The following FANCD2 variants were observed in gnomAD, a reference collection of about 807,000 sequenced individuals.
FANCD2 encodes the protein FA complementation group D2.
Under a neutral mutation model 192.3 loss-of-function variants are expected in FANCD2, and 131 were observed. That is an observed-to-expected ratio of 0.68 (90% CI 0.59 to 0.79). The LOEUF is 0.79. Ranked by LOEUF, FANCD2 falls within the 30% of genes least tolerant of loss-of-function variation. The probability of loss-of-function intolerance (pLI) is 0.00; values close to 1 mark genes in which losing one functional copy is unlikely to be tolerated. For missense variants in FANCD2, 1,508 were observed against 1,701.6 expected, an observed-to-expected ratio of 0.89 and a Z score of 2.00; for synonymous variants, 524 against 612.5, an observed-to-expected ratio of 0.86 and a Z score of 2.13.
chr3:10,053,746 A>G (rs1368460381), intron 18 of FANCD2, among the ~76,000 whole-genome samples: 2 of 151,838 alleles, frequency 1.3e-5, no homozygotes, highest in Non-Finnish European at 2.9e-5. Context: ...TGTGCCAGGC[A>G]CTGATATATT....
At position 10,046,708 on chromosome 3, in the gene FANCD2, C is replaced by G. The variant is rs2087024002; in HGVS notation, c.1263C>G (p.Phe421Leu). The change falls in exon 15 of 44, where the codon TTC (phenylalanine) becomes TTG (leucine). Residue 421 changes from phenylalanine to leucine, a missense_variant. Physicochemically the swap from Phe to Leu is conservative, Grantham distance 22 (BLOSUM62 0). This residue lies in a region of FANCD2 where 108 missense variants were observed against 174.1 expected (regional missense o/e 0.62). Coordinates refer to ENST00000675286, the MANE Select transcript of FANCD2 (RefSeq NM_001018115.3). ...AAGAACAGCTGCTCCAGAGTACATTCTCTGTTCATTACTTAGTAAGTGTCA... is the reference window on the plus strand; with the variant it reads ...AAGAACAGCTGCTCCAGAGTACATTGTCTGTTCATTACTTAGTAAGTGTCA... ...CIQEQLLQST[F>L]SVHYLVLKDM... 6.2e-7 allele frequency: 1 copy of G among 1,607,076 alleles called. No homozygotes were observed. Among genetic ancestry groups the G allele is most frequent in the South Asian group, 1.1e-5 (1 of 90,902 alleles).
chr3:10,078,386 GCT>G (rs1222848945), intron 30 of FANCD2, among the ~76,000 whole-genome samples, 189 bp downstream of exon 30: 3 of 152,050 alleles, frequency 2.0e-5, no homozygotes, highest in Non-Finnish European at 2.9e-5. Flanking sequence ...ATGGAGTCTC[GCT>G]CTGTCGCCCA....
intron 18 of FANCD2, among the ~76,000 whole-genome samples, chr3:10,058,963 A>G (rs2125024756): frequency 6.6e-6 from 1 of 152,320 alleles, no homozygotes; most frequent in South Asian, 2.1e-4. Context: ...TGAAGACAGT[A>G]GCTCTTTCCA....
intron 16 of FANCD2, among the ~76,000 whole-genome samples, 165 bp from the exon 17 acceptor site, chr3:10,049,209 A>G (rs559440635): frequency 4.7e-5 from 7 of 150,096 alleles, no homozygotes; most frequent in Non-Finnish European, 8.9e-5. Flanking sequence ...GCATATTCCT[A>G]AATCTCCTGA....
chr3:10,080,749 T>C (rs1330991503), intron 30 of FANCD2, among the ~76,000 whole-genome samples: 2 of 152,158 alleles, frequency 1.3e-5, no homozygotes, highest in Non-Finnish European at 2.9e-5. Flanking sequence ...CCAGCCTGGG[T>C]GACAGAGCAG....
rs1391301513 is a variant in FANCD2 at position 10,064,709 on chromosome 3, A to T, written c.2022-20A>T. On this transcript the variant is annotated intron_variant, in intron 22 of 43. Transcript: ENST00000675286. The stretch of plus-strand genomic sequence containing the variant: ...GCGTATTCCTGAGCTGCAACATCAG[A>T]TTCTGGTTTTTCTCCGCAGTGACTT... 1.2e-6 allele frequency: 2 copies of T among 1,613,686 alleles called. No homozygotes were observed. The highest frequency in any genetic ancestry group is 3.3e-5 in the Admixed American group (2 of 59,994).
chr3:10,036,160 C>T, intron 6 of FANCD2, 127 bp from the exon 7 acceptor site: 1 of 637,660 alleles, frequency 1.6e-6, no homozygotes, highest in South Asian at 1.5e-5. Flanking sequence ...AATCTCGGCT[C>T]ACTGCAATCT....
chr3:10,032,461 G>A lies in FANCD2; in HGVS notation c.65-371G>A, dbSNP rs35988239. On this transcript the variant is annotated intron_variant, in intron 2 of 43. Coordinates refer to ENST00000675286, the MANE Select transcript of FANCD2 (RefSeq NM_001018115.3). ...TCACCTAACTAGTTTGTGTGTGGAG[G>A]GGGGGAATGGGGGTGAAGGGGGGGA... 1.7e-5 allele frequency: 5 copies of A among 286,084 alleles called. No homozygotes were observed. In the East Asian group the frequency reaches 4.0e-4, roughly 23 times the overall value. The allele number at this position is 286,084 out of a possible 1,614,324, so 17.7% of individuals were successfully genotyped here.
intron 20 of FANCD2, 123 bp downstream of exon 20, chr3:10,062,334 A>T: frequency 2.7e-6 from 2 of 732,984 alleles, no homozygotes; most frequent in Non-Finnish European, 2.3e-6. Flanking sequence ...TCCACCTCTC[A>T]GGTTCAAGTG....
Position 10,093,440 on chromosome 3 carries a change from C to T in FANCD2, c.3888+117C>T, listed in dbSNP as rs992289420. ...GCCCACAAGCCAGAGTTTCCAGAAT[C>T]TATGCCAGTTTAGGGAAGGCAATGG... On this transcript the variant is annotated intron_variant, in intron 39 of 43. Coordinates refer to ENST00000675286, the MANE Select transcript of FANCD2 (RefSeq NM_001018115.3). The T allele has an allele frequency of 5.5e-6, 5 of 903,246 alleles. No homozygotes were observed. In the Admixed American group the frequency reaches 8.7e-5, roughly 16 times the overall value. The allele number at this position is 903,246 out of a possible 1,614,324, so 56.0% of individuals were successfully genotyped here.
At chr3:10,033,922 C>T (rs2086664910) in intron 3 of FANCD2, among the ~76,000 whole-genome samples, 1 of 150,784 alleles carries the variant, frequency 6.6e-6, no homozygotes, top group African/African-American at 2.4e-5. Context: ...TGGTCTTGAT[C>T]TCCTGACCTT....
In FANCD2 at chr3:10,041,842, CTT is replaced by C. The variant is rs201603399; in HGVS notation, c.783+146_783+147del. 0.18 allele frequency: 95,238 copies of C among 530,516 alleles called. 5,217 individuals carry two copies. The highest frequency in any genetic ancestry group is 0.4 in the African/African-American group (19,369 of 48,078). The allele number at this position is 530,516 out of a possible 1,614,324, so 32.9% of individuals were successfully genotyped here. A position where few individuals can be genotyped will look rare whatever the true frequency, so the allele number is the denominator to read the frequency against. On this transcript the variant is annotated intron_variant, in intron 10 of 43. Transcript: ENST00000675286. ...ATAGTGAATCACATTTGATATCTCT[CTT>C]TTTTTTTTTTTTTCCCCTCAATGAG... is the stretch of plus-strand genomic sequence containing the variant.
intron 2 of FANCD2, among the ~76,000 whole-genome samples, chr3:10,029,031 A>G (rs2124961792): frequency 6.6e-6 from 1 of 152,354 alleles, no homozygotes; most frequent in East Asian, 1.9e-4. Flanking sequence ...GTACCCTTAA[A>G]AAACTTTATG....
intron 24 of FANCD2, 78 bp downstream of exon 24, chr3:10,065,572 A>C: frequency 2.0e-6 from 2 of 976,168 alleles, no homozygotes; most frequent in Non-Finnish European, 3.3e-6. Context: ...AGATCAATAC[A>C]TGGTGTATGT....
At chr3:10,082,364 T>C (rs1232471121) in intron 32 of FANCD2, among the ~76,000 whole-genome samples, 1 of 152,184 alleles carries the variant, frequency 6.6e-6, no homozygotes, top group African/African-American at 2.4e-5. Context: ...TGGACTGGGC[T>C]AGGTTCACAC....
chr3:10,031,363 C>T (rs375426712), intron 2 of FANCD2, among the ~76,000 whole-genome samples: 44 of 152,090 alleles, frequency 2.9e-4, no homozygotes, highest in Admixed American at 5.9e-4. Context: ...ATTAGCCGGG[C>T]GTGGTGGTGT....
chr3:10,090,859 A>G (rs1032377219), intron 37 of FANCD2, among the ~76,000 whole-genome samples: 4 of 151,568 alleles, frequency 2.6e-5, no homozygotes, highest in Non-Finnish European at 5.9e-5. Flanking sequence ...TTTTTTTCAA[A>G]GAGTTCCTAG....
intron 12 of FANCD2, 53 bp downstream of exon 12, chr3:10,043,203 C>G (rs1363724225): frequency 7.5e-7 from 1 of 1,334,896 alleles, no homozygotes; most frequent in African/African-American, 1.4e-5. Context: ...ATCCCACTGT[C>G]AGAGTTAGAG....
Position 10,036,306 on chromosome 3 carries a change from T to C in FANCD2, c.458T>C (p.Leu153Ser), listed in dbSNP as rs765576835. Reference protein sequence around the residue: ...DILQPAIIKTLFEKLPEYFFE... With the variant: ...DILQPAIIKTSFEKLPEYFFE... ...TTTTAGCCTGCCATTATCAAAACCT[T>C]ATTTGAGAAGTTGCCAGAATATTTT... The change falls in exon 7 of 44, where the codon TTA (leucine) becomes TCA (serine). Residue 153 changes from leucine (L) to serine (S), a missense_variant. This residue lies in a region of FANCD2 where 435 missense variants were observed against 421.9 expected (regional missense o/e 1.03). Transcript: ENST00000675286. 21 of 1,613,080 alleles carry C rather than the reference T, an allele frequency of 1.3e-5. No individual in the cohort carries two copies. Among genetic ancestry groups the C allele is most frequent in the Non-Finnish European group, 1.7e-5 (20 of 1,179,204 alleles).
Sources: allele counts gnomAD v4.1 joint callset (sites outside exome capture counted in the v4.1 genomes callset), GRCh38; gene constraint gnomAD v4.1.1; regional missense constraint gnomAD v4.1.1; transcripts MANE v1.5; gene names NCBI Gene and HGNC (gene_info 2026-07-23, HGNC 2026-07-21).